LHFPL3: variants seen among roughly 807,000 people sequenced by gnomAD.
The protein encoded by LHFPL3 is LHFPL tetraspan subfamily member 3.
Under a neutral mutation model 19.3 loss-of-function variants are expected in LHFPL3, and 5 were observed. That is an observed-to-expected ratio of 0.26 (90% CI 0.14 to 0.54). LHFPL3 has a LOEUF of 0.54. Ranked by LOEUF, LHFPL3 falls within the 20% of genes least tolerant of loss-of-function variation. LHFPL3 has a pLI of 0.94. For synonymous variants in LHFPL3, 133 were observed against 126.2 expected (o/e 1.05, Z -0.36); for missense variants, 249 against 307.4 (o/e 0.81, Z 1.42).
chr7:104,669,238 A>C, intron 1 of LHFPL3: 2 of 1,614,024 alleles, frequency 1.2e-6, no homozygotes, highest in Non-Finnish European at 1.7e-6. Context: ...GAGCTCAGAC[A>C]CAGAGCAGCA....
intron 1 of LHFPL3, among the ~76,000 whole-genome samples, chr7:104,484,753 A>AG (rs1413415927): frequency 6.6e-6 from 1 of 152,104 alleles, no homozygotes; most frequent in Non-Finnish European, 1.5e-5. Context: ...TCATCCCATG[A>AG]GGGGGGAAGG....
chr7:104,522,735 G>A (rs1324334534), intron 1 of LHFPL3, among the ~76,000 whole-genome samples: 1 of 152,084 alleles, frequency 6.6e-6, no homozygotes, highest in African/African-American at 2.4e-5. Context: ...CATGTAAAGA[G>A]GATTTTATTT....
chr7:104,557,184 T>G lies in LHFPL3; in HGVS notation c.446-179491T>G, dbSNP rs1032625803. ...CAGTTCCAAAGTCGCTTTCACATTT[T>G]CAGGTATCTTTTCAGCAACACCCCA... is the stretch of plus-strand genomic sequence containing the variant. On this transcript the variant is annotated intron_variant, in intron 1 of 2. Coordinates refer to ENST00000424859, the MANE Select transcript of LHFPL3 (RefSeq NM_199000.3). 3.3e-5 allele frequency among the ~76,000 whole-genome samples: 5 copies of G among 152,198 alleles called. No homozygotes were observed. The East Asian group carries it at 5.8e-4, about 18-fold the overall frequency.
intron 1 of LHFPL3, among the ~76,000 whole-genome samples, chr7:104,439,355 C>T (rs1792173360): frequency 6.6e-6 from 1 of 150,600 alleles, no homozygotes; most frequent in African/African-American, 2.5e-5. Context: ...AAAAAGAAAA[C>T]TATGGGTGAA....
intron 2 of LHFPL3, among the ~76,000 whole-genome samples, chr7:104,744,850 A>G (rs945731183): frequency 5.3e-5 from 8 of 152,030 alleles, no homozygotes; most frequent in Admixed American, 6.5e-5. Context: ...TCCTTTGCCA[A>G]TTCCTCTCAC....
chr7:104,600,819 G>A (rs948457068), intron 1 of LHFPL3, among the ~76,000 whole-genome samples: 36 of 152,170 alleles, frequency 2.4e-4, no homozygotes, highest in African/African-American at 2.2e-4. Flanking sequence ...AGACTGAGGT[G>A]CATGGAGGTG....
chr7:104,420,986 A>G (rs1791721752), intron 1 of LHFPL3, among the ~76,000 whole-genome samples: 1 of 152,212 alleles, frequency 6.6e-6, no homozygotes, highest in Non-Finnish European at 1.5e-5. Context: ...TTTGAGCTGA[A>G]AGGAATCAGA....
chr7:104,862,635 G>A (rs976099246), intron 2 of LHFPL3, among the ~76,000 whole-genome samples: 5 of 80 alleles, frequency 0.062, no homozygotes, highest in African/African-American at 0.14. Context: ...CGCTGGTCCC[G>A]CAGTGCCCAA....
intron 1 of LHFPL3, among the ~76,000 whole-genome samples, chr7:104,520,217 G>C (rs1205223094): frequency 1.3e-5 from 2 of 152,014 alleles, no homozygotes; most frequent in African/African-American, 4.8e-5. Context: ...TGTGGTTTTT[G>C]TCTTTGCTTC....
At chr7:104,870,420 G>A (rs1450634673) in intron 2 of LHFPL3, among the ~76,000 whole-genome samples, 1 of 152,104 alleles carries the variant, frequency 6.6e-6, no homozygotes, top group Non-Finnish European at 1.5e-5. Flanking sequence ...TCTGGGAAAG[G>A]GGAATGGGAA....
chr7:104,352,675 AT>A (rs1416293530), intron 1 of LHFPL3, among the ~76,000 whole-genome samples: 5 of 152,228 alleles, frequency 3.3e-5, no homozygotes, highest in Non-Finnish European at 7.3e-5. Context: ...TACCACGAGC[AT>A]TTTGTAGTCT....
rs1354114872 is a variant in LHFPL3 at position 104,736,928 on chromosome 7, G to A, written c.682+17G>A. 6.4e-7 allele frequency: 1 copy of A among 1,564,472 alleles called. No homozygotes were observed. The highest frequency in any genetic ancestry group is 8.7e-7 in the Non-Finnish European group (1 of 1,151,070). ...AAAACAAAGGTAAGATTGCTTTAAG[G>A]AACTCTTACCTGGATGCCTCAAGCA... On this transcript the variant is annotated intron_variant, in intron 2 of 2. Coordinates refer to ENST00000424859, the MANE Select transcript of LHFPL3 (RefSeq NM_199000.3).
chr7:104,374,252 A>T (rs13226785), intron 1 of LHFPL3, among the ~76,000 whole-genome samples: 19 of 150,044 alleles, frequency 1.3e-4, no homozygotes, highest in South Asian at 6.4e-4. Flanking sequence ...ATACATATAT[A>T]TTTTTTTTAA....
chr7:104,893,567 T>C (rs999049755), intron 2 of LHFPL3, among the ~76,000 whole-genome samples: 1 of 151,974 alleles, frequency 6.6e-6, no homozygotes, highest in Non-Finnish European at 1.5e-5. Context: ...GTAACCAAGG[T>C]TACTCTCCAT....
intron 2 of LHFPL3, among the ~76,000 whole-genome samples, chr7:104,811,106 T>C (rs1028134085): frequency 1.3e-5 from 2 of 148,898 alleles, no homozygotes; most frequent in Admixed American, 6.6e-5. Context: ...ATGAGATCTC[T>C]TTCTTTCTCT....
chr7:104,442,545 C>A (rs141902110), intron 1 of LHFPL3, among the ~76,000 whole-genome samples: 2 of 152,264 alleles, frequency 1.3e-5, no homozygotes, highest in African/African-American at 4.8e-5. Flanking sequence ...CAACTATTAT[C>A]TTTTCATGTA....
intron 2 of LHFPL3, among the ~76,000 whole-genome samples, chr7:104,892,660 G>A (rs928917444): frequency 7.2e-6 from 1 of 139,478 alleles, no homozygotes; most frequent in Non-Finnish European, 1.5e-5. Flanking sequence ...GCAGTGAGCT[G>A]AGACCACGCC....
intron 1 of LHFPL3, among the ~76,000 whole-genome samples, chr7:104,386,542 G>A (rs1790947587): frequency 6.6e-6 from 1 of 152,202 alleles, no homozygotes; most frequent in Non-Finnish European, 1.5e-5. Context: ...GTGTATTCAA[G>A]GCTGTGATCT....
chr7:104,737,608 T>C (rs1793853903), intron 2 of LHFPL3, among the ~76,000 whole-genome samples: 1 of 152,226 alleles, frequency 6.6e-6, no homozygotes, highest in Non-Finnish European at 1.5e-5. Flanking sequence ...GGTAGCAAGT[T>C]GTTATTGAAG....
Sources: gnomAD v4.1 joint callset for allele counts (sites outside exome capture counted in the v4.1 genomes callset) on GRCh38, gnomAD v4.1.1 for gene constraint, MANE v1.5 for transcripts, NCBI Gene and HGNC (gene_info 2026-07-23, HGNC 2026-07-21) for gene names.